Variants in TNKS observed in about 807,000 individuals in gnomAD.
The protein encoded by TNKS is tankyrase.
TNKS carries 72 observed loss-of-function variants against 135.8 expected under a neutral mutation model. The observed-to-expected ratio is 0.53, with a 90% confidence interval of 0.44 to 0.64. TNKS has a LOEUF of 0.64. Ranked by LOEUF, TNKS falls within the 30% of genes least tolerant of loss-of-function variation. The probability of loss-of-function intolerance (pLI) is 0.00; values close to 1 mark genes in which losing one functional copy is unlikely to be tolerated. For synonymous variants in TNKS, 849 were observed against 649.3 expected, an observed-to-expected ratio of 1.31 and a Z score of -4.68; for missense variants, 1,769 against 1,674.0, an observed-to-expected ratio of 1.06 and a Z score of -0.99.
chr8:9,568,748 G>T (rs1374908007), intron 1 of TNKS, among the ~76,000 whole-genome samples: 2 of 151,574 alleles, frequency 1.3e-5, no homozygotes, highest in Non-Finnish European at 3.0e-5. Flanking sequence ...AGAAAATGTT[G>T]TTGGAAAAGG....
intron 25 of TNKS, among the ~76,000 whole-genome samples, chr8:9,767,691 G>A (rs1807542035): frequency 6.6e-6 from 1 of 152,098 alleles, no homozygotes; most frequent in Non-Finnish European, 1.5e-5. Context: ...TGGGCATGGT[G>A]GCTCACACCT....
At chr8:9,619,189 A>T (rs1398030808) in intron 3 of TNKS, among the ~76,000 whole-genome samples, 1 of 152,208 alleles carries the variant, frequency 6.6e-6, no homozygotes, top group Non-Finnish European at 1.5e-5. Context: ...GAAGCTTTGG[A>T]AAATGAGGAG....
At chr8:9,558,843 C>G (rs1286385108) in intron 1 of TNKS, 2 of 152,118 alleles carry the variant, frequency 1.3e-5, no homozygotes, top group Admixed American at 6.5e-5. Context: ...GTCCTGTAGT[C>G]AGTTTGCCAC....
chr8:9,681,913 G>C (rs1802798375), intron 5 of TNKS, among the ~76,000 whole-genome samples: 1 of 152,074 alleles, frequency 6.6e-6, no homozygotes. Context: ...ACATGGCCCA[G>C]TGAGTATTTT....
At chr8:9,575,635 A>G (rs1010199647) in intron 1 of TNKS, among the ~76,000 whole-genome samples, 37 of 152,202 alleles carry the variant, frequency 2.4e-4, no homozygotes, top group African/African-American at 7.0e-4. Context: ...ATAAATCACA[A>G]TCCATGTAGG....
intron 5 of TNKS, among the ~76,000 whole-genome samples, chr8:9,690,626 G>T (rs902404827): frequency 1.3e-5 from 2 of 152,046 alleles, no homozygotes; most frequent in African/African-American, 4.8e-5. Flanking sequence ...TGGGTGGCAG[G>T]CACCTATAAT....
At chr8:9,774,199 T>A (rs957553815) in intron 26 of TNKS, among the ~76,000 whole-genome samples, 4 of 152,244 alleles carry the variant, frequency 2.6e-5, no homozygotes, top group Non-Finnish European at 4.4e-5. Flanking sequence ...AGGAGAGGTG[T>A]TCTCTGCTCA....
In TNKS at chr8:9,777,478, C is replaced by G. The variant is rs937981375; in HGVS notation, c.*742C>G. ...CAAACACCAACCTGACTTAGGAACG[C>G]CTAAATTCAGAGAAGTCAAAGCCGG... is the stretch of plus-strand genomic sequence containing the variant. On this transcript the variant is annotated 3_prime_UTR_variant, in exon 27 of 27. Transcript: ENST00000310430. The G allele has an allele frequency of 1.3e-5, 2 of 152,252 alleles. No individual in the cohort carries two copies. The highest frequency in any genetic ancestry group is 4.8e-5 in the African/African-American group (2 of 41,452). 9.4% of individuals were successfully genotyped at this position (152,252 alleles called of 1,614,324 possible). A position where few individuals can be genotyped will look rare whatever the true frequency, so the allele number is the denominator to read the frequency against.
intron 17 of TNKS, among the ~76,000 whole-genome samples, chr8:9,741,453 TCA>T (rs948585660): frequency 1.3e-5 from 2 of 152,148 alleles, no homozygotes; most frequent in Non-Finnish European, 2.9e-5. Context: ...CCTTCACCTT[TCA>T]CAGTCTTTAT....
intron 17 of TNKS, among the ~76,000 whole-genome samples, chr8:9,745,147 T>C (rs1046064031): frequency 2.0e-5 from 3 of 152,192 alleles, no homozygotes; most frequent in African/African-American, 7.2e-5. Flanking sequence ...TTAACAAAAA[T>C]TGCTGCCTTT....
chr8:9,585,060 C>T (rs1456048822), intron 2 of TNKS, among the ~76,000 whole-genome samples: 2 of 151,336 alleles, frequency 1.3e-5, no homozygotes, highest in Non-Finnish European at 2.9e-5. Flanking sequence ...AGGTAAATAC[C>T]TGAATAAAAA....
At chr8:9,755,108 T>C (rs948876363) in intron 20 of TNKS, among the ~76,000 whole-genome samples, 2 of 152,236 alleles carry the variant, frequency 1.3e-5, no homozygotes, top group African/African-American at 4.8e-5. Flanking sequence ...TTCTAAAGAA[T>C]GTTCATTTTT....
chr8:9,620,396 A>G (rs1799821187), intron 3 of TNKS, among the ~76,000 whole-genome samples: 2 of 152,186 alleles, frequency 1.3e-5, no homozygotes, highest in African/African-American at 4.8e-5. Flanking sequence ...CGACAGCAGT[A>G]GCCTCATAAT....
At chr8:9,587,054 A>C (rs555931556) in intron 2 of TNKS, among the ~76,000 whole-genome samples, 1 of 152,214 alleles carries the variant, frequency 6.6e-6, no homozygotes, top group Non-Finnish European at 1.5e-5. Flanking sequence ...TTCATATCTT[A>C]ATTCCTGGAA....
chr8:9,769,291 A>G (rs1231769605), intron 25 of TNKS, among the ~76,000 whole-genome samples: 1 of 152,206 alleles, frequency 6.6e-6, no homozygotes, highest in Non-Finnish European at 1.5e-5. Context: ...GGTGTATATA[A>G]TAGACTTTCT....
chr8:9,730,384 G>A (rs11785987), intron 13 of TNKS, among the ~76,000 whole-genome samples: 106,350 of 151,846 alleles, frequency 0.7, 37,759 homozygotes, highest in Admixed American at 0.8. Context: ...TGACGACATA[G>A]CTTTGCTACA....
intron 18 of TNKS, 146 bp downstream of exon 18, chr8:9,748,358 C>G (rs1231814504): frequency 1.6e-6 from 1 of 639,316 alleles, no homozygotes; most frequent in Admixed American, 4.2e-5. Flanking sequence ...CACACTTTTT[C>G]TATGAAAATA....
chr8:9,615,913 T>G (rs574652886), intron 3 of TNKS, among the ~76,000 whole-genome samples: 2 of 152,350 alleles, frequency 1.3e-5, no homozygotes, highest in Admixed American at 6.5e-5. Context: ...CATAACATCT[T>G]TCACTCGTAT....
At chr8:9,602,120 G>A (rs1799039535) in intron 2 of TNKS, among the ~76,000 whole-genome samples, 1 of 152,010 alleles carries the variant, frequency 6.6e-6, no homozygotes, top group Non-Finnish European at 1.5e-5. Context: ...AAGGGGTGCT[G>A]TTAAACATAA....
Sources: gnomAD v4.1 joint callset for allele counts (sites outside exome capture counted in the v4.1 genomes callset) on GRCh38, gnomAD v4.1.1 for gene constraint, MANE v1.5 for transcripts, NCBI Gene and HGNC (gene_info 2026-07-23, HGNC 2026-07-21) for gene names.